CNTNAP2: variants seen among roughly 807,000 people sequenced by gnomAD.
The protein encoded by CNTNAP2 is contactin associated protein 2.
CNTNAP2 carries 98 observed loss-of-function variants against 155.2 expected under a neutral mutation model. The observed-to-expected ratio is 0.63, with a 90% CI of 0.54 to 0.75. The LOEUF (loss-of-function observed/expected upper bound fraction) is 0.75, where lower values mean the gene tolerates loss of function less well. Ranked by LOEUF, CNTNAP2 falls within the 30% of genes least tolerant of loss-of-function variation. The pLI is 0.00. For synonymous variants in CNTNAP2, 651 were observed against 631.2 expected (o/e 1.03, Z -0.47); for missense variants, 1,727 against 1,688.1 (o/e 1.02, Z -0.40).
chr7:148,309,707 G>A (rs1414799073), intron 21 of CNTNAP2, among the ~76,000 whole-genome samples: 2 of 152,016 alleles, frequency 1.3e-5, no homozygotes, highest in Non-Finnish European at 2.9e-5. Flanking sequence ...GCATGAACAG[G>A]CCATTTTCAC....
chr7:147,658,217 A>T, intron 13 of CNTNAP2, among the ~76,000 whole-genome samples: 1 of 113,370 alleles, frequency 8.8e-6, no homozygotes, highest in African/African-American at 3.0e-5. Context: ...AGATCCCGCC[A>T]CTGCACTCCA....
At chr7:146,579,633 T>C (rs1033547480) in intron 1 of CNTNAP2, among the ~76,000 whole-genome samples, 3 of 152,150 alleles carry the variant, frequency 2.0e-5, no homozygotes, top group South Asian at 2.1e-4. Flanking sequence ...TTGAAAGATA[T>C]GTAGTTCATC....
At chr7:146,939,431 G>A (rs1796998803) in intron 3 of CNTNAP2, among the ~76,000 whole-genome samples, 1 of 152,142 alleles carries the variant, frequency 6.6e-6, no homozygotes, top group South Asian at 2.1e-4. Flanking sequence ...AAATAATGAA[G>A]GCGACATTAA....
intron 9 of CNTNAP2, among the ~76,000 whole-genome samples, chr7:147,315,231 T>C (rs1015191326): frequency 1.3e-5 from 2 of 150,924 alleles, no homozygotes; most frequent in African/African-American, 4.8e-5. Flanking sequence ...TATCATTTTA[T>C]TGGCCAAGAA....
At chr7:147,917,324 T>G (rs1243379887) in intron 14 of CNTNAP2, among the ~76,000 whole-genome samples, 1 of 152,218 alleles carries the variant, frequency 6.6e-6, no homozygotes, top group African/African-American at 2.4e-5. Context: ...AGGGCTAGGT[T>G]AAGCTGCATA....
At chr7:147,453,063 AG>A (rs1797860608) in intron 10 of CNTNAP2, among the ~76,000 whole-genome samples, 1 of 152,116 alleles carries the variant, frequency 6.6e-6, no homozygotes, top group Admixed American at 6.6e-5. Flanking sequence ...GATGTGAGAA[AG>A]TAGAAAAGGG....
At chr7:146,824,047 C>A (rs1035198690) in intron 2 of CNTNAP2, among the ~76,000 whole-genome samples, 1 of 152,092 alleles carries the variant, frequency 6.6e-6, no homozygotes, top group African/African-American at 2.4e-5. Context: ...GCCCTCCAAC[C>A]CCTGACAGGC....
chr7:146,689,802 G>A (rs1213976663), intron 1 of CNTNAP2, among the ~76,000 whole-genome samples: 1 of 152,034 alleles, frequency 6.6e-6, no homozygotes, highest in African/African-American at 2.4e-5. Context: ...AAACTTTTAT[G>A]TGAATATACT....
At chr7:147,511,093 A>G (rs761979337) in intron 11 of CNTNAP2, among the ~76,000 whole-genome samples, 1 of 151,810 alleles carries the variant, frequency 6.6e-6, no homozygotes, top group Non-Finnish European at 1.5e-5. Context: ...TCATATATAT[A>G]TGTGAGGAAG....
chr7:146,561,067 T>C (rs923460740), intron 1 of CNTNAP2, among the ~76,000 whole-genome samples: 1 of 152,278 alleles, frequency 6.6e-6, no homozygotes, highest in African/African-American at 2.4e-5. Flanking sequence ...TAAAAACATG[T>C]CTGCATTATA....
At chr7:146,987,204 G>T (rs73463263) in intron 3 of CNTNAP2, among the ~76,000 whole-genome samples, 2,514 of 152,172 alleles carry the variant, frequency 0.017, 35 homozygotes, top group African/African-American at 0.034. Flanking sequence ...TAGCAAATAC[G>T]TTCCAAAATG....
chr7:147,363,619 C>G (rs1477581505), intron 9 of CNTNAP2, among the ~76,000 whole-genome samples: 1 of 152,178 alleles, frequency 6.6e-6, no homozygotes, highest in Non-Finnish European at 1.5e-5. Context: ...ACCAAATAGA[C>G]TCTTTGATAA....
chr7:146,262,173 A>C (rs1799928513), intron 1 of CNTNAP2, among the ~76,000 whole-genome samples: 1 of 152,114 alleles, frequency 6.6e-6, no homozygotes, highest in Non-Finnish European at 1.5e-5. Context: ...GTCATGATAA[A>C]CTCAAACTAG....
chr7:147,145,569 A>T (rs1242499751), intron 8 of CNTNAP2, among the ~76,000 whole-genome samples: 1 of 151,770 alleles, frequency 6.6e-6, no homozygotes, highest in Non-Finnish European at 1.5e-5. Flanking sequence ...CCTCCCACCC[A>T]CCCCACTCCA....
chr7:147,109,276 G>C (rs554829401), intron 5 of CNTNAP2, among the ~76,000 whole-genome samples: 1 of 152,188 alleles, frequency 6.6e-6, no homozygotes, highest in South Asian at 2.1e-4. Context: ...AATTTTAGTG[G>C]TACATTCAGC....
chr7:147,311,897 C>T (rs2116797270), intron 9 of CNTNAP2, among the ~76,000 whole-genome samples: 1 of 152,030 alleles, frequency 6.6e-6, no homozygotes, highest in Middle Eastern at 3.4e-3. Context: ...TCTGTTATTG[C>T]TTATTTTGTC....
At chr7:148,323,148 A>T (rs918403508) in intron 21 of CNTNAP2, among the ~76,000 whole-genome samples, 2 of 152,190 alleles carry the variant, frequency 1.3e-5, no homozygotes, top group African/African-American at 4.8e-5. Context: ...CGTGAGAAGA[A>T]ACCGAGGTTC....
At chr7:148,395,415 G>A (rs979343511) in intron 22 of CNTNAP2, among the ~76,000 whole-genome samples, 1 of 151,858 alleles carries the variant, frequency 6.6e-6, no homozygotes, top group Non-Finnish European at 1.5e-5. Flanking sequence ...CCGCCTCCAG[G>A]ACTGCACCCT....
chr7:147,626,898 G>C (rs944220293), intron 12 of CNTNAP2, among the ~76,000 whole-genome samples: 1 of 152,138 alleles, frequency 6.6e-6, no homozygotes, highest in South Asian at 2.1e-4. Context: ...TACAACCATG[G>C]ACTCTCACAG....
Sources: gnomAD v4.1 joint callset for allele counts (sites outside exome capture counted in the v4.1 genomes callset) on GRCh38, gnomAD v4.1.1 for gene constraint, MANE v1.5 for transcripts, NCBI Gene and HGNC (gene_info 2026-07-23, HGNC 2026-07-21) for gene names.